The following PRPF6 variants were observed in gnomAD, a reference collection of about 807,000 sequenced individuals.
The protein encoded by PRPF6 is pre-mRNA processing factor 6, also known as pre-mRNA-processing factor 6.
A neutral mutation model predicts 118.3 loss-of-function variants in PRPF6; 42 were observed. The observed-to-expected ratio is 0.35, with a 90% confidence interval of 0.28 to 0.46. The LOEUF is 0.46. Among genes scored for constraint, PRPF6 ranks in the 20% least tolerant of loss-of-function variants. The pLI, the probability that PRPF6 is intolerant of heterozygous loss-of-function variation, is 1.00. For synonymous variants in PRPF6, 481 were observed against 485.1 expected, an observed-to-expected ratio of 0.99 and a Z score of 0.11; for missense variants, 662 against 1,255.7, an observed-to-expected ratio of 0.53 and a Z score of 7.15.
intron 6 of PRPF6, among the ~76,000 whole-genome samples, chr20:63,997,130 C>T (rs945386966): frequency 6.6e-6 from 1 of 152,040 alleles, no homozygotes; most frequent in African/African-American, 2.4e-5. Context: ...CATTGAGTCC[C>T]CGTGCGCTTT....
intron 13 of PRPF6, among the ~76,000 whole-genome samples, chr20:64,023,997 T>G (rs190186439): frequency 1.6e-4 from 25 of 152,338 alleles, no homozygotes; most frequent in Admixed American, 5.2e-4. Flanking sequence ...TTTGTCTTGC[T>G]GTCGCACTCA....
Position 64,011,551 on chromosome 20 carries a change from C to A in PRPF6, c.1524+48C>A, listed in dbSNP as rs777988489. The A allele has an allele frequency of 3.0e-5, 47 of 1,562,828 alleles. 1 individual carries two copies. In the East Asian group the frequency reaches 4.7e-4, roughly 16 times the overall value. Reference sequence around the variant, plus strand: ...GGTGTCTGCTTTAACAGTGCACATGCAGCACGTGAGAGTCCCACGCAGGAC... The same window carrying A: ...GGTGTCTGCTTTAACAGTGCACATGAAGCACGTGAGAGTCCCACGCAGGAC... On this transcript the variant is annotated intron_variant, in intron 11 of 20. Coordinates refer to ENST00000266079, the MANE Select transcript of PRPF6 (RefSeq NM_012469.4). The surrounding 1 kb of genome is among the most constrained non-coding windows in gnomAD (Gnocchi z 6.7).
intron 12 of PRPF6, 50 bp from the exon 13 acceptor site, chr20:64,022,707 T>G (rs2059271916): frequency 1.2e-6 from 2 of 1,612,514 alleles, no homozygotes; most frequent in Non-Finnish European, 1.7e-6. Context: ...ATGCCACTTG[T>G]TCTGTGGCCA....
intron 11 of PRPF6, among the ~76,000 whole-genome samples, chr20:64,013,229 C>T (rs550875191): frequency 2.2e-4 from 34 of 152,134 alleles, no homozygotes; most frequent in African/African-American, 7.9e-4. Flanking sequence ...TCTTCCCTGT[C>T]TTTTATCTTT....
Position 64,022,891 on chromosome 20 carries a change from A to T in PRPF6, c.1769+13A>T. Reference sequence around the variant, plus strand: ...ACCATGGCACTCGGTATGTGGTGGGACCCGCCTGCCCAAGGGTGCTAATGA... The same window carrying T: ...ACCATGGCACTCGGTATGTGGTGGGTCCCGCCTGCCCAAGGGTGCTAATGA... On this transcript the variant is annotated intron_variant, in intron 13 of 20. Transcript: ENST00000266079. The T allele has an allele frequency of 6.2e-7, 1 of 1,613,766 alleles. No individual in the cohort carries two copies. The highest frequency in any genetic ancestry group is 1.3e-5 in the African/African-American group (1 of 75,006).
intron 3 of PRPF6, among the ~76,000 whole-genome samples, chr20:63,988,780 A>T (rs1362585856): frequency 2.0e-5 from 3 of 151,976 alleles, no homozygotes; most frequent in Non-Finnish European, 4.4e-5. Context: ...GAGGCAGGAG[A>T]ATCACTTGAA....
Position 63,987,514 on chromosome 20 carries a change from G to A in PRPF6, c.359+2489G>A, listed in dbSNP as rs6011245. 8.6e-3 allele frequency among the ~76,000 whole-genome samples: 1,305 copies of A among 152,050 alleles called. 22 individuals are homozygous for A. The highest frequency in any genetic ancestry group is 0.03 in the African/African-American group (1,238 of 41,476). ...GCCACATATGGTAGGCCCACAGCTCGTATCATACTGAATGGGGAAAAACTG... is the reference window on the plus strand; with the variant it reads ...GCCACATATGGTAGGCCCACAGCTCATATCATACTGAATGGGGAAAAACTG... On this transcript the variant is annotated intron_variant, in intron 3 of 20. Transcript: ENST00000266079.
intron 9 of PRPF6, among the ~76,000 whole-genome samples, chr20:64,007,809 T>C (rs1404311833): frequency 6.6e-6 from 1 of 151,990 alleles, no homozygotes; most frequent in East Asian, 1.9e-4. Flanking sequence ...TTGGAGTCTC[T>C]CTCTGTCACC....
chr20:64,009,279 C>CAAAAA (rs59045216), intron 9 of PRPF6, among the ~76,000 whole-genome samples: 25 of 38,196 alleles, frequency 6.5e-4, no homozygotes, highest in East Asian at 9.3e-4. Flanking sequence ...GACTCCATCG[C>CAAAAA]AAAAAAAAAA....
Position 63,987,648 on chromosome 20 carries a change from AAAG to A in PRPF6, c.359+2630_359+2632del, listed in dbSNP as rs755908962. On this transcript the variant is annotated intron_variant, in intron 3 of 20. Transcript: ENST00000266079. ...TAAATAAAAGGGCATCCAGATTGGA[AAAG>A]AAGAAGTTAAATTATCCTTGTTTGC... Among the ~76,000 whole-genome samples the A allele has an allele frequency of 5.3e-5, 8 of 152,248 alleles. 1 individual carries two copies. The highest frequency in any genetic ancestry group is 1.3e-4 in the Admixed American group (2 of 15,282).
chr20:64,002,253 C>T (rs1208869716), intron 9 of PRPF6, among the ~76,000 whole-genome samples: 2 of 151,458 alleles, frequency 1.3e-5, no homozygotes, highest in East Asian at 3.9e-4. Context: ...GATCTCTTGG[C>T]CTTGTGATCT....
intron 3 of PRPF6, among the ~76,000 whole-genome samples, chr20:63,992,759 A>G (rs1245123306): frequency 6.6e-6 from 1 of 150,730 alleles, no homozygotes; most frequent in East Asian, 2.0e-4. Context: ...TTAGAGGCAG[A>G]GTCTCTCTGT....
chr20:64,025,787 T>A (rs2059287038), intron 14 of PRPF6, 152 bp from the exon 15 acceptor site: 16 of 1,405,876 alleles, frequency 1.1e-5, no homozygotes, highest in African/African-American at 1.4e-5. Flanking sequence ...GTCGGCTCTG[T>A]CATCTCCTCC....
intron 1 of PRPF6, among the ~76,000 whole-genome samples, chr20:63,981,773 A>G (rs917375268): frequency 6.7e-6 from 1 of 149,976 alleles, no homozygotes; most frequent in Admixed American, 6.7e-5. Flanking sequence ...TATTCATTTG[A>G]TGAGGAACAC....
intron 19 of PRPF6, among the ~76,000 whole-genome samples, chr20:64,031,090 G>T (rs1307061466): frequency 6.6e-6 from 1 of 152,260 alleles, no homozygotes; most frequent in South Asian, 2.1e-4. Flanking sequence ...TTTTTCAGGT[G>T]TGCATGTGTC....
chr20:63,990,425 A>C (rs1246321688), intron 3 of PRPF6, among the ~76,000 whole-genome samples: 1 of 151,940 alleles, frequency 6.6e-6, no homozygotes, highest in African/African-American at 2.4e-5. Flanking sequence ...ATCATTGTGC[A>C]TAAATTTTAT....
At chr20:63,993,067 T>G (rs981914523) in intron 3 of PRPF6, among the ~76,000 whole-genome samples, 51 of 151,598 alleles carry the variant, frequency 3.4e-4, no homozygotes, top group African/African-American at 1.2e-3. Flanking sequence ...AACACAAAAA[T>G]TAGCTGGGAG....
intron 9 of PRPF6, among the ~76,000 whole-genome samples, chr20:64,005,514 C>T (rs527356475): frequency 3.7e-4 from 56 of 152,234 alleles, no homozygotes; most frequent in African/African-American, 1.3e-3. Flanking sequence ...GACTTTCCTT[C>T]TTTACTGCTG....
chr20:63,983,115 G>A lies in PRPF6; in HGVS notation c.140G>A (p.Arg47His). 6.2e-7 allele frequency: 1 copy of A among 1,614,194 alleles called. No homozygotes were observed. Among genetic ancestry groups the A allele is most frequent in the Non-Finnish European group, 8.5e-7 (1 of 1,180,034 alleles). The change falls in exon 2 of 21, where the codon CGC (arginine) becomes CAC (histidine). Residue 47 changes from arginine (R) to histidine (H), a missense_variant. Physicochemically the swap from Arg to His is conservative, Grantham distance 29. This residue lies in a region of PRPF6 where 21 missense variants were observed against 45.5 expected (regional missense o/e 0.46). Transcript: ENST00000266079. ...GATGCAAATGACCCTGTGGATGATC[G>A]CCATGCACCCCCAGGCAAGAGAACC... ...ARDANDPVDD[R>H]HAPPGKRTVG...
Sources: allele counts gnomAD v4.1 joint callset (sites outside exome capture counted in the v4.1 genomes callset), GRCh38; gene constraint gnomAD v4.1.1; regional missense constraint gnomAD v4.1.1; non-coding constraint Gnocchi (gnomAD v3.1); transcripts MANE v1.5; gene names NCBI Gene and HGNC (gene_info 2026-07-23, HGNC 2026-07-21).